The following CORO1C variants were observed in gnomAD, a reference collection of about 807,000 sequenced individuals.
The protein encoded by CORO1C is coronin 1C.
In CORO1C, 14 loss-of-function variants were observed where a neutral mutation model predicts 51.2. The observed-to-expected ratio is 0.27, with a 90% CI of 0.18 to 0.43. The LOEUF (loss-of-function observed/expected upper bound fraction) is 0.43. Among genes scored for constraint, CORO1C ranks in the 20% least tolerant of loss-of-function variants. CORO1C has a pLI of 1.00. For synonymous variants in CORO1C, 181 were observed against 210.5 expected (o/e 0.86, Z 1.21); for missense variants, 417 against 607.8 (o/e 0.69, Z 3.30).
At chr12:108,678,850 G>A (rs936689184) in intron 2 of CORO1C, among the ~76,000 whole-genome samples, 11 of 151,632 alleles carry the variant, frequency 7.3e-5, no homozygotes, top group South Asian at 4.1e-4. Flanking sequence ...GGCCGGGCGC[G>A]GTGGCTCACG....
chr12:108,725,981 C>T (rs377767099), intron 1 of CORO1C, among the ~76,000 whole-genome samples: 60 of 151,946 alleles, frequency 3.9e-4, no homozygotes, highest in African/African-American at 1.4e-3. Context: ...GGACTACAGG[C>T]GCGTGCCACC....
chr12:108,728,033 C>G (rs1404186221), intron 1 of CORO1C, among the ~76,000 whole-genome samples: 2 of 152,104 alleles, frequency 1.3e-5, no homozygotes, highest in African/African-American at 4.8e-5. Context: ...TGACTAGAAT[C>G]AAAAAGTCAG....
chr12:108,705,516 AC>A (rs1196553208), intron 1 of CORO1C, among the ~76,000 whole-genome samples: 1 of 151,078 alleles, frequency 6.6e-6, no homozygotes, highest in African/African-American at 2.4e-5. Context: ...GAAAGCCCAG[AC>A]CCAGATGACT....
At chr12:108,654,460 T>A (rs537980011) in intron 6 of CORO1C, 50 bp from the exon 7 acceptor site, 96 of 1,061,388 alleles carry the variant, frequency 9.0e-5, no homozygotes, top group Middle Eastern at 6.6e-4. Flanking sequence ...TACATTTTTT[T>A]AAAAATAAAT....
Position 108,654,311 on chromosome 12 carries a change from C to G in CORO1C, c.850G>C (p.Gly284Arg). The stretch of plus-strand genomic sequence containing the variant: ...ACATCAAAATTACTGTTTACCTTTC[C>G]ACATAAGTAAATGATGCTGGTGTCA... ...DPDTSIIYLCGKGDSSIRYFE... is the reference protein window; with the variant it reads ...DPDTSIIYLCRKGDSSIRYFE... Residue 284 changes from glycine to arginine, a missense_variant, in exon 7 of 11, where the codon GGA becomes CGA. Coordinates refer to ENST00000261401, the MANE Select transcript of CORO1C (RefSeq NM_014325.4). 1 of 1,600,074 alleles carries G rather than the reference C, an allele frequency of 6.2e-7. No individual in the cohort carries two copies. The highest frequency in any genetic ancestry group is 8.6e-7 in the Non-Finnish European group (1 of 1,167,524).
At position 108,668,855 on chromosome 12, in the gene CORO1C, G is replaced by A. The variant is rs2033603151; in HGVS notation, c.319-6697C>T. ...TTGACTGCTCTTTGTATTATTTAAAGCACTATTATTTTCTTGGAGCTAATA... is the reference window on the plus strand; with the variant it reads ...TTGACTGCTCTTTGTATTATTTAAAACACTATTATTTTCTTGGAGCTAATA... On this transcript the variant is annotated intron_variant, in intron 3 of 10. Transcript: ENST00000261401. 2.6e-5 allele frequency among the ~76,000 whole-genome samples: 4 copies of A among 152,280 alleles called. No individual in the cohort carries two copies. The South Asian group carries it at 6.2e-4, about 24-fold the overall frequency.
chr12:108,687,579 G>C (rs972917410), intron 2 of CORO1C, among the ~76,000 whole-genome samples: 9 of 152,080 alleles, frequency 5.9e-5, no homozygotes, highest in Admixed American at 3.3e-4. Context: ...GAGGTCAGGA[G>C]TTCGAGACCA....
intron 3 of CORO1C, among the ~76,000 whole-genome samples, chr12:108,675,719 C>A (rs913347060): frequency 6.6e-6 from 1 of 152,172 alleles, no homozygotes; most frequent in South Asian, 2.1e-4. Flanking sequence ...CATATTGCAA[C>A]CCCTAGTGAA....
intron 1 of CORO1C, among the ~76,000 whole-genome samples, chr12:108,705,459 CAAAAAAAAA>C (rs1163703701): frequency 9.0e-4 from 57 of 63,418 alleles, no homozygotes; most frequent in African/African-American, 3.0e-3. Flanking sequence ...GACCCTGTCT[CAAAAAAAAA>C]AAAAAAAAAA....
intron 1 of CORO1C, chr12:108,702,901 C>A (rs979041091): frequency 3.1e-5 from 48 of 1,535,600 alleles, no homozygotes; most frequent in Non-Finnish European, 3.7e-5. Flanking sequence ...CGTTCCTTAG[C>A]CCAGCTGTTA....
intron 2 of CORO1C, among the ~76,000 whole-genome samples, chr12:108,680,457 AG>A (rs1592894028): frequency 2.0e-5 from 3 of 152,222 alleles, no homozygotes. Flanking sequence ...TGGGTGTCAC[AG>A]GAAGGAGCCA....
At position 108,708,919 on chromosome 12, in the gene CORO1C, AT is replaced by A. The variant is rs201679556; in HGVS notation, c.-5-7597del. Among the ~76,000 whole-genome samples the A allele has an allele frequency of 3.7e-3, 551 of 148,230 alleles. 1 individual carries two copies. Among genetic ancestry groups the A allele is most frequent in the African/African-American group, 0.012 (488 of 40,374 alleles). On this transcript the variant is annotated intron_variant, in intron 1 of 10. Transcript: ENST00000261401. ...AAGCGTACGCCACCACACCAGGCTAATTTTTTTTTTGGTAGAGATGGGGGTC... is the reference window on the plus strand; with the variant it reads ...AAGCGTACGCCACCACACCAGGCTAATTTTTTTTTGGTAGAGATGGGGGTC...
intron 3 of CORO1C, among the ~76,000 whole-genome samples, chr12:108,669,136 TG>T: frequency 6.6e-6 from 1 of 152,348 alleles, no homozygotes; most frequent in Admixed American, 6.5e-5. Context: ...AATGGGGGAA[TG>T]TATCTTAAGA....
rs2033142855 is a variant in CORO1C at position 108,658,993 on chromosome 12, C to T, written c.449-74G>A. The T allele has an allele frequency of 2.7e-6, 4 of 1,456,126 alleles. No individual in the cohort carries two copies. Among genetic ancestry groups the T allele is most frequent in the Middle Eastern group, 3.6e-4 (2 of 5,598 alleles). The allele number at this position is 1,456,126 out of a possible 1,614,324, so 90.2% of individuals were successfully genotyped here. A position where few individuals can be genotyped will look rare whatever the true frequency, so the allele number is the denominator to read the frequency against. On this transcript the variant is annotated intron_variant, in intron 4 of 10. Coordinates refer to ENST00000261401, the MANE Select transcript of CORO1C (RefSeq NM_014325.4). The surrounding 1 kb of genome is among the most constrained non-coding windows in gnomAD (Gnocchi z 4.9). ...TAACACACTCAGAAAACTACAGATA[C>T]AGTGAGAATACACATATGTATATGC...
chr12:108,715,393 GA>G (rs2035300015), intron 1 of CORO1C, among the ~76,000 whole-genome samples: 1 of 152,094 alleles, frequency 6.6e-6, no homozygotes, highest in South Asian at 2.1e-4. Flanking sequence ...TAAAATGTGA[GA>G]ATATATAAGG....
At chr12:108,663,311 G>A (rs975188489) in intron 3 of CORO1C, among the ~76,000 whole-genome samples, 7 of 152,166 alleles carry the variant, frequency 4.6e-5, no homozygotes, top group African/African-American at 7.2e-5. Flanking sequence ...CATATGATCC[G>A]GTAATTCCAC....
intron 2 of CORO1C, among the ~76,000 whole-genome samples, chr12:108,698,333 A>C (rs2034756990): frequency 6.6e-6 from 1 of 152,266 alleles, no homozygotes; most frequent in Non-Finnish European, 1.5e-5. Context: ...ACTGCACTGG[A>C]AATCACTTCA....
intron 6 of CORO1C, 107 bp downstream of exon 6, chr12:108,657,197 A>C: frequency 7.0e-7 from 1 of 1,437,804 alleles, no homozygotes; most frequent in Non-Finnish European, 9.3e-7. Context: ...TCAGGCGTTT[A>C]GAAAACTACA....
At chr12:108,679,109 C>CAAAAAAAAAAAAAAAA (rs1183326267) in intron 2 of CORO1C, among the ~76,000 whole-genome samples, 1 of 22,144 alleles carries the variant, frequency 4.5e-5, no homozygotes, top group African/African-American at 1.4e-4. Flanking sequence ...GACTCTGTCT[C>CAAAAAAAAAAAAAAAA]AAAAAAAAAA....
Sources: gnomAD v4.1 joint callset for allele counts (sites outside exome capture counted in the v4.1 genomes callset) on GRCh38, gnomAD v4.1.1 for gene constraint, Gnocchi (gnomAD v3.1) non-coding constraint, MANE v1.5 for transcripts, NCBI Gene and HGNC (gene_info 2026-07-23, HGNC 2026-07-21) for gene names.